The following VAV3 variants were observed in gnomAD, a reference collection of about 807,000 sequenced individuals.
VAV3 encodes the protein guanine nucleotide exchange factor VAV3.
A neutral mutation model predicts 131.2 loss-of-function variants in VAV3; 94 were observed. That is an observed-to-expected ratio of 0.72 (90% CI 0.61 to 0.85). The LOEUF is 0.85. Ranked by LOEUF, VAV3 falls within the 40% of genes least tolerant of loss-of-function variation. The pLI, the probability that VAV3 is intolerant of heterozygous loss-of-function variation, is 0.00. For missense variants in VAV3, 939 were observed against 1,002.7 expected (o/e 0.94, Z 0.86); for synonymous variants, 349 against 342.0 (o/e 1.02, Z -0.22).
At chr1:107,719,922 A>C (rs1006797757) in intron 15 of VAV3, among the ~76,000 whole-genome samples, 2 of 152,210 alleles carry the variant, frequency 1.3e-5, no homozygotes, top group African/African-American at 4.8e-5. Context: ...ACATGGATGA[A>C]GCTGGAAACC....
chr1:107,733,605 G>A (rs183361025), intron 15 of VAV3, among the ~76,000 whole-genome samples: 5 of 152,162 alleles, frequency 3.3e-5, no homozygotes, highest in South Asian at 2.1e-4. Flanking sequence ...CACAAGCTTC[G>A]GTAGCCGATT....
intron 2 of VAV3, among the ~76,000 whole-genome samples, chr1:107,804,211 A>T (rs1417448373): frequency 6.6e-6 from 1 of 152,048 alleles, no homozygotes; most frequent in Non-Finnish European, 1.5e-5. Context: ...TATGTCTTTT[A>T]ATTGGAGAAC....
At chr1:107,664,719 A>ATT (rs1657290638) in intron 19 of VAV3, among the ~76,000 whole-genome samples, 1 of 152,164 alleles carries the variant, frequency 6.6e-6, no homozygotes, top group African/African-American at 2.4e-5. Context: ...AAAAAATACT[A>ATT]TAGCAATGTT....
At chr1:107,682,763 T>C (rs1658737848) in intron 19 of VAV3, among the ~76,000 whole-genome samples, 5 of 152,228 alleles carry the variant, frequency 3.3e-5, no homozygotes, top group Admixed American at 3.3e-4. Context: ...GCTACTCTAT[T>C]TCTCATGTTC....
At chr1:107,780,579 G>A (rs1441102097) in intron 2 of VAV3, among the ~76,000 whole-genome samples, 1 of 152,184 alleles carries the variant, frequency 6.6e-6, no homozygotes. Context: ...ACAGTGGTGC[G>A]ATCTTGGCTC....
At position 107,705,010 on chromosome 1, in the gene VAV3, C is replaced by A; in HGVS notation, c.1554G>T (p.Met518Ile). Residue 518 changes from methionine to isoleucine, a missense_variant, in exon 16 of 27, where the codon ATG becomes ATT. Physicochemically the swap from Met to Ile is conservative, Grantham distance 10. Transcript: ENST00000370056. ...AGGATGTGACTCGAGTGAAGGTATG[C>A]ATCTTGAAGTCGTGGAAATTGGAGT... ...YADSNFHDFK[M>I]HTFTRVTSCK... 2 of 1,613,780 alleles carry A rather than the reference C, an allele frequency of 1.2e-6. No individual in the cohort carries two copies. Among genetic ancestry groups the A allele is most frequent in the Non-Finnish European group, 1.7e-6 (2 of 1,179,864 alleles).
chr1:107,884,483 C>A (rs1670939951), intron 1 of VAV3, among the ~76,000 whole-genome samples: 1 of 150,384 alleles, frequency 6.6e-6, no homozygotes, highest in Non-Finnish European at 1.5e-5. Context: ...CTCTGTCACC[C>A]AGGCTGGAGT....
At chr1:107,587,917 T>C (rs187262514) in intron 25 of VAV3, among the ~76,000 whole-genome samples, 79 of 152,212 alleles carry the variant, frequency 5.2e-4, no homozygotes, top group African/African-American at 1.8e-3. Context: ...ATTTAGAACA[T>C]GAGGTTATAT....
intron 15 of VAV3, among the ~76,000 whole-genome samples, chr1:107,723,909 G>A (rs112899926): frequency 1.3e-5 from 2 of 152,060 alleles, no homozygotes; most frequent in Non-Finnish European, 2.9e-5. Flanking sequence ...TGGATAAATA[G>A]AGAACACATC....
At chr1:107,842,013 C>G (rs1447412624) in intron 2 of VAV3, among the ~76,000 whole-genome samples, 1 of 152,040 alleles carries the variant, frequency 6.6e-6, no homozygotes, top group Non-Finnish European at 1.5e-5. Context: ...CAGCATTATT[C>G]TAGTTTCACT....
At chr1:107,911,234 A>T (rs1438200323) in intron 1 of VAV3, among the ~76,000 whole-genome samples, 1 of 152,218 alleles carries the variant, frequency 6.6e-6, no homozygotes, top group East Asian at 1.9e-4. Context: ...ATTAGAAAAT[A>T]AAAGTTACCT....
chr1:107,582,778 A>C (rs1222330231), intron 25 of VAV3, among the ~76,000 whole-genome samples: 1 of 152,040 alleles, frequency 6.6e-6, no homozygotes, highest in Admixed American at 6.6e-5. Context: ...TTCCATGGTG[A>C]ATATCTGCCA....
intron 2 of VAV3, among the ~76,000 whole-genome samples, chr1:107,818,460 GGGAAAGGAAACA>G (rs1264840620): frequency 6.6e-6 from 1 of 151,012 alleles, no homozygotes; most frequent in Non-Finnish European, 1.5e-5. Context: ...AGGGAAGGAG[GGGAAAGGAAACA>G]GGAAAGGAGG....
chr1:107,630,899 G>A (rs1409024973), intron 20 of VAV3, among the ~76,000 whole-genome samples: 3 of 152,084 alleles, frequency 2.0e-5, no homozygotes, highest in African/African-American at 2.4e-5. Flanking sequence ...TCCAGATTAC[G>A]CCATTGAGTA....
intron 2 of VAV3, among the ~76,000 whole-genome samples, chr1:107,840,730 T>C (rs1046728696): frequency 5.3e-5 from 8 of 151,938 alleles, no homozygotes; most frequent in African/African-American, 1.9e-4. Context: ...AAGTAGTTGA[T>C]ACAAAGGAAA....
intron 21 of VAV3, among the ~76,000 whole-genome samples, chr1:107,617,045 TCTC>T (rs1653207903): frequency 1.3e-5 from 2 of 152,186 alleles, no homozygotes; most frequent in Non-Finnish European, 2.9e-5. Flanking sequence ...GTTCATTTAT[TCTC>T]CTTTTATCTG....
At chr1:107,819,626 TA>T (rs1667709171) in intron 2 of VAV3, among the ~76,000 whole-genome samples, 1 of 151,950 alleles carries the variant, frequency 6.6e-6, no homozygotes, top group African/African-American at 2.4e-5. Context: ...AAAGTGAAAA[TA>T]TATCACTTTT....
chr1:107,737,100 G>A (rs940067670), intron 15 of VAV3, among the ~76,000 whole-genome samples: 5 of 152,306 alleles, frequency 3.3e-5, no homozygotes, highest in Admixed American at 1.3e-4. Context: ...AAGAAGAAAT[G>A]GTGGAAGGAT....
intron 19 of VAV3, among the ~76,000 whole-genome samples, chr1:107,674,994 C>T (rs182958153): frequency 2.6e-5 from 4 of 152,180 alleles, no homozygotes; most frequent in Admixed American, 6.5e-5. Flanking sequence ...AATGGAATCC[C>T]GCGAAAAGCA....
Sources: allele counts gnomAD v4.1 joint callset (sites outside exome capture counted in the v4.1 genomes callset), GRCh38; gene constraint gnomAD v4.1.1; transcripts MANE v1.5; gene names NCBI Gene and HGNC (gene_info 2026-07-23, HGNC 2026-07-21).